Variants in UPK1B observed in about 807,000 individuals in gnomAD.
UPK1B encodes the protein uroplakin 1B, also known as uroplakin-1b.
Under a neutral mutation model 34.2 loss-of-function variants are expected in UPK1B, and 28 were observed. The ratio of observed to expected loss-of-function variants is 0.82; its 90% CI spans 0.61 to 1.12. The LOEUF (loss-of-function observed/expected upper bound fraction) is 1.12, where lower values mean the gene tolerates loss of function less well. UPK1B is among the 50% of genes most tolerant of loss of function. UPK1B has a pLI of 0.00. For missense variants in UPK1B, 325 were observed against 320.9 expected, an observed-to-expected ratio of 1.01 and a Z score of -0.10; for synonymous variants, 81 against 110.4, an observed-to-expected ratio of 0.73 and a Z score of 1.67.
chr3:119,186,702 T>C lies in UPK1B; in HGVS notation c.-28-12T>C, dbSNP rs139789112. 2.5e-6 allele frequency: 4 copies of C among 1,605,912 alleles called. No homozygotes were observed. The Admixed American group carries it at 6.7e-5, about 27-fold the overall frequency. ...AGAAACTGTAGCAGTTATTTGGTAA[T>C]GCTTTCAACAGTGCCTTCAGCTTGT... is the stretch of plus-strand genomic sequence containing the variant. On this transcript the variant is annotated splice_polypyrimidine_tract_variant and intron_variant, in intron 1 of 7. Transcript: ENST00000264234.
intron 3 of UPK1B, among the ~76,000 whole-genome samples, chr3:119,189,871 C>A (rs1245952330): frequency 6.6e-6 from 1 of 152,236 alleles, no homozygotes; most frequent in Non-Finnish European, 1.5e-5. Flanking sequence ...GACTCTCTTG[C>A]CACTCACTGA....
intron 2 of UPK1B, among the ~76,000 whole-genome samples, chr3:119,187,089 G>A (rs1366969185): frequency 1.3e-5 from 2 of 152,144 alleles, no homozygotes; most frequent in African/African-American, 2.4e-5. Context: ...CTCTGACTAC[G>A]AACACACTTC....
intron 6 of UPK1B, among the ~76,000 whole-genome samples, chr3:119,195,669 A>C (rs991030270): frequency 6.6e-6 from 1 of 152,238 alleles, no homozygotes; most frequent in Non-Finnish European, 1.5e-5. Flanking sequence ...ATATTTCAAC[A>C]CTGGAACTGC....
At chr3:119,197,807 A>G (rs1659307939) in intron 6 of UPK1B, among the ~76,000 whole-genome samples, 1 of 152,198 alleles carries the variant, frequency 6.6e-6, no homozygotes. Flanking sequence ...GGGTGAGTAT[A>G]TAGAGTAGGA....
chr3:119,193,192 AT>A (rs1437104725), intron 5 of UPK1B, among the ~76,000 whole-genome samples: 2 of 152,188 alleles, frequency 1.3e-5, no homozygotes, highest in South Asian at 4.1e-4. Context: ...ACAAAGCTCA[AT>A]TTTGGACCCT....
chr3:119,177,337 T>C (rs1420573243), intron 1 of UPK1B, among the ~76,000 whole-genome samples: 1 of 152,120 alleles, frequency 6.6e-6, no homozygotes, highest in Non-Finnish European at 1.5e-5. Context: ...GGGAAGTGGA[T>C]CTCCCTACCT....
chr3:119,187,938 T>C lies in UPK1B; in HGVS notation c.233T>C (p.Val78Ala), dbSNP rs2078026632. ...CLFCLSVLGI[V>A]GIMKSSRKIL... The stretch of plus-strand genomic sequence containing the variant: ...TTCTGCCTGTCTGTTCTAGGCATTG[T>C]AGGCATCATGAAGTCCAGCAGGAAA... Residue 78 changes from valine (V) to alanine (A), a missense_variant, in exon 3 of 8, where the codon GTA becomes GCA. Coordinates refer to ENST00000264234, the MANE Select transcript of UPK1B (RefSeq NM_006952.4). 7 of 1,614,178 alleles carry C rather than the reference T, an allele frequency of 4.3e-6. No individual in the cohort carries two copies. The East Asian group carries it at 6.7e-5, about 15-fold the overall frequency.
At chr3:119,183,183 G>A (rs915629371) in intron 1 of UPK1B, among the ~76,000 whole-genome samples, 20 of 152,158 alleles carry the variant, frequency 1.3e-4, no homozygotes, top group Non-Finnish European at 2.4e-4. Context: ...TCTGGCGCCA[G>A]GCAGACCTGT....
At chr3:119,187,424 C>G (rs1453278940) in intron 2 of UPK1B, among the ~76,000 whole-genome samples, 1 of 152,118 alleles carries the variant, frequency 6.6e-6, no homozygotes, top group East Asian at 1.9e-4. Flanking sequence ...TAAATATGAC[C>G]AGGACCAGCT....
intron 1 of UPK1B, among the ~76,000 whole-genome samples, chr3:119,184,275 AC>A (rs1394114590): frequency 6.6e-6 from 1 of 152,156 alleles, no homozygotes; most frequent in Non-Finnish European, 1.5e-5. Flanking sequence ...TAATTGGGTC[AC>A]CCAGGCCACC....
chr3:119,179,527 T>TTTTTTTTTTTTTG (rs1553741698), intron 1 of UPK1B, among the ~76,000 whole-genome samples: 3 of 131,592 alleles, frequency 2.3e-5, no homozygotes, highest in South Asian at 2.4e-4. Context: ...TTTTTTTTTT[T>TTTTTTTTTTTTTG]GAGACGGAGT....
chr3:119,179,772 G>T (rs1449438469), intron 1 of UPK1B, among the ~76,000 whole-genome samples: 1 of 138,578 alleles, frequency 7.2e-6, no homozygotes, highest in Non-Finnish European at 1.5e-5. Context: ...CTCCCAGAGT[G>T]CGGGGATTAC....
chr3:119,190,237 C>A lies in UPK1B; in HGVS notation c.271-8C>A. ...GTAATTCTTTTATCTCATTTATTTCCCTTCCAGTATTTCATTCTGATGTTT... is the reference window on the plus strand; with the variant it reads ...GTAATTCTTTTATCTCATTTATTTCACTTCCAGTATTTCATTCTGATGTTT... On this transcript the variant is annotated splice_polypyrimidine_tract_variant and splice_region_variant and intron_variant, in intron 3 of 7. Coordinates refer to ENST00000264234, the MANE Select transcript of UPK1B (RefSeq NM_006952.4). The A allele has an allele frequency of 6.3e-7, 1 of 1,581,126 alleles. No individual in the cohort carries two copies. The highest frequency in any genetic ancestry group is 1.2e-5 in the South Asian group (1 of 85,750).
At chr3:119,188,576 C>A (rs1159032800) in intron 3 of UPK1B, among the ~76,000 whole-genome samples, 1 of 152,232 alleles carries the variant, frequency 6.6e-6, no homozygotes. Context: ...TCAGCTCACA[C>A]CTGCCTGTGG....
At chr3:119,177,388 G>A (rs574616390) in intron 1 of UPK1B, among the ~76,000 whole-genome samples, 1 of 152,158 alleles carries the variant, frequency 6.6e-6, no homozygotes, top group African/African-American at 2.4e-5. Flanking sequence ...ATAGAAGGCT[G>A]GGTTAAGAGT....
intron 5 of UPK1B, among the ~76,000 whole-genome samples, chr3:119,192,996 G>GA (rs397968445): frequency 3.2e-3 from 1 of 312 alleles, no homozygotes; most frequent in African/African-American, 0.013. Context: ...ATTGGCCTCT[G>GA]CCTCACCACT....
At position 119,198,846 on chromosome 3, in the gene UPK1B, T is replaced by C. The variant is rs559185409; in HGVS notation, c.649-211T>C. ...TAAGTGATAAAGACACAAATAAATG[T>C]GTTGTGGAATCATTGTTCAACAGTA... is the stretch of plus-strand genomic sequence containing the variant. On this transcript the variant is annotated intron_variant, in intron 6 of 7. Transcript: ENST00000264234. 4.6e-5 allele frequency among the ~76,000 whole-genome samples: 7 copies of C among 152,332 alleles called. No individual in the cohort carries two copies. In the East Asian group the frequency reaches 1.3e-3, roughly 29 times the overall value.
At position 119,203,937 on chromosome 3, in the gene UPK1B, C is replaced by A; in HGVS notation, c.753C>A (p.Thr251=). The change falls in exon 8 of 8, where the codon ACC becomes ACA. Residue 251 remains threonine, a synonymous_variant. Transcript: ENST00000264234. The stretch of plus-strand genomic sequence containing the variant: ...TCCAGTTTTGGGTTCTCCTGGGTAC[C>A]ATGTTCTACTGGAGCAGAATTGAAT... ...LCWTFWVLLG[T]MFYWSRIEY 1 of 1,613,972 alleles carries A rather than the reference C, an allele frequency of 6.2e-7. No homozygotes were observed. The highest frequency in any genetic ancestry group is 8.5e-7 in the Non-Finnish European group (1 of 1,180,000).
chr3:119,189,076 C>T (rs1481417673), intron 3 of UPK1B, among the ~76,000 whole-genome samples: 2 of 152,170 alleles, frequency 1.3e-5, no homozygotes, highest in Non-Finnish European at 1.5e-5. Context: ...TTTGGGCCAG[C>T]CATGTGCATG....
Sources: allele counts gnomAD v4.1 joint callset (sites outside exome capture counted in the v4.1 genomes callset), GRCh38; gene constraint gnomAD v4.1.1; transcripts MANE v1.5; gene names NCBI Gene and HGNC (gene_info 2026-07-23, HGNC 2026-07-21).